SPAST: variants seen among roughly 807,000 people sequenced by gnomAD.
SPAST encodes spastin.
A neutral mutation model predicts 76.6 loss-of-function variants in SPAST; 30 were observed. The ratio of observed to expected loss-of-function variants is 0.39; its 90% confidence interval spans 0.29 to 0.53. The LOEUF (loss-of-function observed/expected upper bound fraction) is 0.53, where lower values mean the gene tolerates loss of function less well. Among genes scored for constraint, SPAST ranks in the 20% least tolerant of loss-of-function variants. The pLI is 0.68. For synonymous variants in SPAST, 305 were observed against 281.0 expected (o/e 1.09, Z -0.86); for missense variants, 717 against 770.5 (o/e 0.93, Z 0.82).
At chr2:32,121,189 C>T (rs1679005180) in intron 7 of SPAST, among the ~76,000 whole-genome samples, 1 of 152,088 alleles carries the variant, frequency 6.6e-6, no homozygotes, top group Non-Finnish European at 1.5e-5. Flanking sequence ...TCTCACTCTT[C>T]TCACCCAGGC....
chr2:32,126,856 A>G, intron 7 of SPAST, 92 bp from the exon 8 acceptor site: 2 of 787,574 alleles, frequency 2.5e-6, no homozygotes, highest in Admixed American at 4.0e-5. Context: ...GTTTGGGAAG[A>G]TGCTACTGAA....
intron 1 of SPAST, among the ~76,000 whole-genome samples, chr2:32,070,575 T>C (rs1676707486): frequency 6.6e-6 from 1 of 152,178 alleles, no homozygotes; most frequent in South Asian, 2.1e-4. Flanking sequence ...TCCTCTCCAG[T>C]GAGATGTGTT....
intron 3 of SPAST, among the ~76,000 whole-genome samples, chr2:32,092,251 C>T (rs995539277): frequency 1.6e-4 from 24 of 152,104 alleles, no homozygotes; most frequent in African/African-American, 5.8e-4. Context: ...TTCTTCCTTT[C>T]TAAATGGAGG....
intron 4 of SPAST, among the ~76,000 whole-genome samples, chr2:32,109,234 C>T (rs574298773): frequency 1.4e-4 from 21 of 152,042 alleles, no homozygotes; most frequent in South Asian, 6.2e-4. Context: ...TCAGCCTCCC[C>T]GGTAGCTGGA....
chr2:32,073,515 A>G (rs1482793457), intron 1 of SPAST, among the ~76,000 whole-genome samples: 2 of 152,090 alleles, frequency 1.3e-5, no homozygotes, highest in African/African-American at 2.4e-5. Flanking sequence ...AGCAAGATAG[A>G]GACAGGGTCT....
At chr2:32,105,614 G>C (rs560366081) in intron 4 of SPAST, among the ~76,000 whole-genome samples, 46 of 152,256 alleles carry the variant, frequency 3.0e-4, no homozygotes, top group African/African-American at 8.9e-4. Flanking sequence ...GGTCTTTGAT[G>C]ATGGTGACGT....
At chr2:32,065,188 T>G (rs189477343) in intron 1 of SPAST, among the ~76,000 whole-genome samples, 1 of 151,974 alleles carries the variant, frequency 6.6e-6, no homozygotes, top group East Asian at 1.9e-4. Flanking sequence ...CCTGGCTAAT[T>G]TTTGTATTTT....
At chr2:32,066,972 CAAAAAAAAAAAAAAAAAAAACCAAAA>C (rs1229474744) in intron 1 of SPAST, among the ~76,000 whole-genome samples, 1 of 77,600 alleles carries the variant, frequency 1.3e-5, no homozygotes, top group African/African-American at 5.4e-5. Flanking sequence ...AAAACTGTCT[CAAAAAAAAAAAAAAAAAAAACCAAAA>C]AAAAAAAAAC....
At chr2:32,110,104 G>GTTT (rs200943358) in intron 4 of SPAST, among the ~76,000 whole-genome samples, 4 of 135,490 alleles carry the variant, frequency 3.0e-5, no homozygotes, top group African/African-American at 2.7e-5. Flanking sequence ...AGTTTTTTTT[G>GTTT]TTTTTTTTTT....
rs7566162 is a variant in SPAST, at chr2:32,099,003, T to C, written c.682+112T>C. ...ATAATGGTAGGTTTAATTGTTCATG[T>C]TTTCACAGGGCTGTGTTGAAAATAT... On this transcript the variant is annotated intron_variant, in intron 4 of 16. Transcript: ENST00000315285. 325,426 of 764,680 alleles carry C rather than the reference T, an allele frequency of 0.43. 71,368 individuals are homozygous for C. Among genetic ancestry groups the C allele is most frequent in the East Asian group, 0.6 (22,476 of 37,316 alleles). 47.4% of individuals were successfully genotyped at this position (764,680 alleles called of 1,614,324 possible).
At chr2:32,108,956 G>T (rs553672632) in intron 4 of SPAST, among the ~76,000 whole-genome samples, 235 of 151,824 alleles carry the variant, frequency 1.5e-3, no homozygotes, top group African/African-American at 5.5e-3. Context: ...AGTAGAAACA[G>T]AGTTTCACCA....
At chr2:32,110,740 ATAGTATATATAG>A (rs1678545719) in intron 4 of SPAST, among the ~76,000 whole-genome samples, 13 of 140,450 alleles carry the variant, frequency 9.3e-5, no homozygotes, top group Middle Eastern at 7.7e-3. Flanking sequence ...AGTACACTGT[ATAGTATATATAG>A]TATAGTATAT....
In SPAST at chr2:32,142,524, C is replaced by T. The variant is rs142098079; in HGVS notation, c.1536+578C>T. On this transcript the variant is annotated intron_variant, in intron 13 of 16. Coordinates refer to ENST00000315285, the MANE Select transcript of SPAST (RefSeq NM_014946.4). Reference sequence around the variant, plus strand: ...TCACCTCCTGGGTTCAAGTGATTCTCCTGCCTCAGCCTCCTGAGTAGCTGG... The same window carrying T: ...TCACCTCCTGGGTTCAAGTGATTCTTCTGCCTCAGCCTCCTGAGTAGCTGG... Among the ~76,000 whole-genome samples the T allele has an allele frequency of 5.9e-3, 900 of 152,246 alleles. 9 individuals carry two copies. Among genetic ancestry groups the T allele is most frequent in the Non-Finnish European group, 8.8e-3 (601 of 68,020 alleles).
chr2:32,148,658 A>G lies in SPAST; in HGVS notation c.1728+1400A>G, dbSNP rs766410794. Among the ~76,000 whole-genome samples the G allele has an allele frequency of 8.3e-4, 127 of 152,124 alleles. 2 individuals carry two copies. The highest frequency in any genetic ancestry group is 2.4e-4 in the Non-Finnish European group (16 of 68,018). On this transcript the variant is annotated intron_variant, in intron 16 of 16. Transcript: ENST00000315285. ...CCCTGTCTCCACTAAAAAATACAAA[A>G]AAATTACCGGGGCGTGGTGGCGGGC...
rs1250121569 is a variant in SPAST at position 32,115,915 on chromosome 2, A to G, written c.1004+80A>G. ...TTATAAAACATGTCAGGAGTGAAATAGATAATAAATACCTTGTCTGGTTTA... is the reference window on the plus strand; with the variant it reads ...TTATAAAACATGTCAGGAGTGAAATGGATAATAAATACCTTGTCTGGTTTA... On this transcript the variant is annotated intron_variant, in intron 6 of 16. Coordinates refer to ENST00000315285, the MANE Select transcript of SPAST (RefSeq NM_014946.4). 2.6e-6 allele frequency: 3 copies of G among 1,169,384 alleles called. No individual in the cohort carries two copies. The African/African-American group carries it at 4.7e-5, about 18-fold the overall frequency. The allele number at this position is 1,169,384 out of a possible 1,614,324, so 72.4% of individuals were successfully genotyped here.
intron 1 of SPAST, among the ~76,000 whole-genome samples, chr2:32,067,681 C>G (rs1025532123): frequency 6.7e-6 from 1 of 150,334 alleles, no homozygotes; most frequent in African/African-American, 2.4e-5. Context: ...GTGTTTCACT[C>G]TCTTACCCAA....
At chr2:32,093,440 C>A (rs1677801444) in intron 3 of SPAST, among the ~76,000 whole-genome samples, 1 of 152,116 alleles carries the variant, frequency 6.6e-6, no homozygotes, top group African/African-American at 2.4e-5. Context: ...AGAGACCACA[C>A]CACTGCACTC....
At chr2:32,147,123 A>G in intron 15 of SPAST, 95 bp from the exon 16 acceptor site, 1 of 802,512 alleles carries the variant, frequency 1.2e-6, no homozygotes, top group Admixed American at 1.7e-5. Context: ...TGTACTGAAT[A>G]GATACATGTA....
intron 9 of SPAST, chr2:32,128,866 T>A (rs1679282780): frequency 7.3e-6 from 2 of 273,040 alleles, no homozygotes; most frequent in Admixed American, 1.0e-4. Context: ...CTGGCAATCT[T>A]TTGTATTCCT....
Sources: allele counts gnomAD v4.1 joint callset (sites outside exome capture counted in the v4.1 genomes callset), GRCh38; gene constraint gnomAD v4.1.1; transcripts MANE v1.5; gene names NCBI Gene and HGNC (gene_info 2026-07-23, HGNC 2026-07-21).